The following MSRA variants were observed in gnomAD, a reference collection of about 807,000 sequenced individuals.
MSRA encodes the protein methionine sulfoxide reductase A.
In MSRA, 54 loss-of-function variants were observed where a neutral mutation model predicts 31.3. The observed-to-expected ratio is 1.73, with a 90% CI of 1.39 to 2.17. The LOEUF is 2.17. Among genes scored for constraint, MSRA ranks in the 30% most tolerant of loss-of-function variants. The pLI is 0.00. For synonymous variants in MSRA, 169 were observed against 116.5 expected (o/e 1.45, Z -2.90); for missense variants, 507 against 300.9 (o/e 1.69, Z -5.07).
At chr8:10,275,815 C>T (rs919274818) in intron 3 of MSRA, among the ~76,000 whole-genome samples, 2 of 152,200 alleles carry the variant, frequency 1.3e-5, no homozygotes, top group African/African-American at 4.8e-5. Context: ...ACATGGATTC[C>T]TCAACATCAC....
At chr8:10,205,639 G>T (rs80003423) in intron 1 of MSRA, among the ~76,000 whole-genome samples, 5,643 of 152,204 alleles carry the variant, frequency 0.037, 199 homozygotes, top group African/African-American at 0.091. Context: ...ATTTTCATTT[G>T]TTTGAATTCA....
chr8:10,291,683 C>T lies in MSRA; in HGVS notation c.332-9851C>T, dbSNP rs567011539. Among the ~76,000 whole-genome samples, 164 of 152,130 alleles carry T rather than the reference C, an allele frequency of 1.1e-3. 5 individuals are homozygous for T. In the South Asian group the frequency reaches 0.033, roughly 31 times the overall value. On this transcript the variant is annotated intron_variant, in intron 3 of 5. Coordinates refer to ENST00000317173, the MANE Select transcript of MSRA (RefSeq NM_012331.5). ...TATTCACCCACCCTCGCCCCTTTCT[C>T]CCTTCAAACACCTGGATCATTCTGT...
At position 10,356,041 on chromosome 8, in the gene MSRA, G is replaced by A. The variant is rs537985456; in HGVS notation, c.543+36052G>A. On this transcript the variant is annotated intron_variant, in intron 5 of 5. Transcript: ENST00000317173. Reference sequence around the variant, plus strand: ...TGGAACCAGCAGCCCAGACTGCTGTGCCATCGACCTGAAGGCCCTTCATGT... The same window carrying A: ...TGGAACCAGCAGCCCAGACTGCTGTACCATCGACCTGAAGGCCCTTCATGT... Among the ~76,000 whole-genome samples the A allele has an allele frequency of 2.0e-5, 3 of 152,328 alleles. No individual in the cohort carries two copies. The South Asian group carries it at 6.2e-4, about 32-fold the overall frequency.
chr8:10,143,859 C>A (rs1802913071), intron 1 of MSRA, among the ~76,000 whole-genome samples: 2 of 152,222 alleles, frequency 1.3e-5, no homozygotes, highest in Non-Finnish European at 1.5e-5. Flanking sequence ...TATTCTTATT[C>A]TTGGAGCAGC....
intron 1 of MSRA, among the ~76,000 whole-genome samples, chr8:10,171,343 G>C (rs1018114399): frequency 6.0e-5 from 9 of 149,300 alleles, no homozygotes; most frequent in African/African-American, 2.2e-4. Context: ...GACATTTTAA[G>C]AGCACTATCC....
chr8:10,181,310 G>C (rs1806516389), intron 1 of MSRA, among the ~76,000 whole-genome samples: 1 of 152,170 alleles, frequency 6.6e-6, no homozygotes, highest in South Asian at 2.1e-4. Flanking sequence ...ATCTGCAGGA[G>C]AAATGTTCCA....
At chr8:10,116,478 G>A (rs1039340746) in intron 1 of MSRA, among the ~76,000 whole-genome samples, 14 of 152,266 alleles carry the variant, frequency 9.2e-5, no homozygotes, top group African/African-American at 2.6e-4. Flanking sequence ...GCCATGCTAC[G>A]CTCTGCGGTA....
intron 5 of MSRA, among the ~76,000 whole-genome samples, chr8:10,359,566 T>C (rs1804715230): frequency 6.6e-6 from 1 of 152,168 alleles, no homozygotes; most frequent in African/African-American, 2.4e-5. Context: ...TCTTCCTCCT[T>C]CTCCTCCTCT....
rs1806531746 is a variant in MSRA, at chr8:10,181,457, A to AG, written c.143-26376_143-26375insG. Among the ~76,000 whole-genome samples, 2 of 150,410 alleles carry AG rather than the reference A, an allele frequency of 1.3e-5. 1 individual carries two copies. Among genetic ancestry groups the AG allele is most frequent in the South Asian group, 4.2e-4 (2 of 4,750 alleles). On this transcript the variant is annotated intron_variant, in intron 1 of 5. Coordinates refer to ENST00000317173, the MANE Select transcript of MSRA (RefSeq NM_012331.5). ...AATAATAAAATTAAAAAAAAAAAAA[A>AG]CAATGGGAGAGGAAATGAGGCCGAA... is the stretch of plus-strand genomic sequence containing the variant.
intron 1 of MSRA, among the ~76,000 whole-genome samples, chr8:10,189,547 G>C (rs998159725): frequency 7.2e-5 from 11 of 152,186 alleles, no homozygotes; most frequent in Admixed American, 5.2e-4. Context: ...AACACAGGTA[G>C]GTATTGAATT....
intron 3 of MSRA, among the ~76,000 whole-genome samples, chr8:10,271,786 T>A (rs1799055034): frequency 6.6e-6 from 1 of 151,816 alleles, no homozygotes; most frequent in African/African-American, 2.4e-5. Context: ...TGGCGCGATC[T>A]TGGCTCACCG....
intron 1 of MSRA, among the ~76,000 whole-genome samples, chr8:10,130,203 C>CT (rs1801798816): frequency 6.6e-6 from 1 of 152,196 alleles, no homozygotes; most frequent in African/African-American, 2.4e-5. Context: ...GCCAGTAGTA[C>CT]TTCCATTGAG....
rs545276510 is a variant in MSRA at position 10,428,582 on chromosome 8, T to C, written c.*270T>C. 265 of 406,734 alleles carry C rather than the reference T, an allele frequency of 6.5e-4. No individual in the cohort carries two copies. The highest frequency in any genetic ancestry group is 5.3e-3 in the African/African-American group (257 of 48,340). The allele number at this position is 406,734 out of a possible 1,614,324, so 25.2% of individuals were successfully genotyped here. On this transcript the variant is annotated 3_prime_UTR_variant, in exon 6 of 6. Transcript: ENST00000317173. ...AGTGAAGATAGCAGGGATGCTGTGTTCACCCTTCTTGGTAGAAGCTAAGGT... is the reference window on the plus strand; with the variant it reads ...AGTGAAGATAGCAGGGATGCTGTGTCCACCCTTCTTGGTAGAAGCTAAGGT...
At chr8:10,296,809 G>C (rs1194672395) in intron 3 of MSRA, among the ~76,000 whole-genome samples, 1 of 152,084 alleles carries the variant, frequency 6.6e-6, no homozygotes, top group Non-Finnish European at 1.5e-5. Context: ...CCCAGACCCC[G>C]CCAAGGTCAT....
At chr8:10,375,156 C>G (rs547975558) in intron 5 of MSRA, among the ~76,000 whole-genome samples, 1 of 152,204 alleles carries the variant, frequency 6.6e-6, no homozygotes, top group African/African-American at 2.4e-5. Flanking sequence ...TGGAATAACA[C>G]ACTTGTACAG....
At chr8:10,097,781 G>A (rs1799274720) in intron 1 of MSRA, among the ~76,000 whole-genome samples, 1 of 151,944 alleles carries the variant, frequency 6.6e-6, no homozygotes, top group African/African-American at 2.4e-5. Flanking sequence ...TCAAAAGTAG[G>A]TGAATTAAAA....
chr8:10,056,198 CAAAAAAAAA>C (rs35457688), intron 1 of MSRA, among the ~76,000 whole-genome samples: 3 of 91,018 alleles, frequency 3.3e-5, no homozygotes, highest in South Asian at 4.5e-4. Context: ...TCCCATACAC[CAAAAAAAAA>C]AAAAAAAAAA....
At chr8:10,125,443 C>G (rs13259465) in intron 1 of MSRA, among the ~76,000 whole-genome samples, 46,336 of 152,012 alleles carry the variant, frequency 0.3, 8,160 homozygotes, top group Middle Eastern at 0.48. Flanking sequence ...GGGGGACACT[C>G]AGGAGTGAGA....
At chr8:10,374,407 C>T (rs1333284919) in intron 5 of MSRA, among the ~76,000 whole-genome samples, 1 of 152,150 alleles carries the variant, frequency 6.6e-6, no homozygotes, top group African/African-American at 2.4e-5. Flanking sequence ...CAACCTAGCA[C>T]ATCCTGCAGG....
Sources: allele counts gnomAD v4.1 joint callset (sites outside exome capture counted in the v4.1 genomes callset), GRCh38; gene constraint gnomAD v4.1.1; transcripts MANE v1.5; gene names NCBI Gene and HGNC (gene_info 2026-07-23, HGNC 2026-07-21).